The following ARHGAP15 variants were observed in gnomAD, a reference collection of about 807,000 sequenced individuals.
ARHGAP15 encodes the protein rho GTPase-activating protein 15.
Under a neutral mutation model 63.7 loss-of-function variants are expected in ARHGAP15, and 51 were observed. The ratio of observed to expected loss-of-function variants is 0.80; its 90% CI spans 0.64 to 1.01. ARHGAP15 has a LOEUF of 1.01. Ranked by LOEUF, ARHGAP15 falls within the 50% of genes least tolerant of loss-of-function variation. The pLI is 0.00. For synonymous variants in ARHGAP15, 191 were observed against 193.8 expected (o/e 0.99, Z 0.12); for missense variants, 560 against 564.6 (o/e 0.99, Z 0.08).
chr2:143,443,350 T>C (rs1198707232), intron 8 of ARHGAP15, among the ~76,000 whole-genome samples: 1 of 151,924 alleles, frequency 6.6e-6, no homozygotes, highest in Non-Finnish European at 1.5e-5. Flanking sequence ...AAAAAAGTCG[T>C]GACATTTTTG....
At chr2:143,193,986 C>A (rs992796827) in intron 2 of ARHGAP15, among the ~76,000 whole-genome samples, 4 of 152,196 alleles carry the variant, frequency 2.6e-5, no homozygotes, top group Non-Finnish European at 4.4e-5. Flanking sequence ...TTATTTGAGA[C>A]TGAAAATAAA....
At position 143,568,039 on chromosome 2, in the gene ARHGAP15, A is replaced by G. The variant is rs144716225; in HGVS notation, c.1003+11554A>G. On this transcript the variant is annotated intron_variant, in intron 11 of 13. Coordinates refer to ENST00000295095, the MANE Select transcript of ARHGAP15 (RefSeq NM_018460.4). ...TTAATTCAAGATAGATTAAAGACTT[A>G]CATGTTAGACTTAAAACCATAAAAA... 4.7e-4 allele frequency among the ~76,000 whole-genome samples: 72 copies of G among 152,364 alleles called. 1 individual carries two copies. Among genetic ancestry groups the G allele is most frequent in the Admixed American group, 3.3e-4 (5 of 15,310 alleles).
intron 6 of ARHGAP15, among the ~76,000 whole-genome samples, chr2:143,332,985 A>T (rs1217835772): frequency 2.0e-5 from 3 of 152,112 alleles, no homozygotes; most frequent in African/African-American, 7.2e-5. Flanking sequence ...AAAAAAAAAA[A>T]AAAAGCTACC....
intron 11 of ARHGAP15, among the ~76,000 whole-genome samples, chr2:143,593,690 C>CCA: frequency 6.6e-6 from 1 of 152,192 alleles, no homozygotes; most frequent in East Asian, 1.9e-4. Flanking sequence ...GAATTCCCAG[C>CCA]CATAGCACAT....
chr2:143,394,134 G>A (rs1326459713), intron 6 of ARHGAP15, among the ~76,000 whole-genome samples: 1 of 152,080 alleles, frequency 6.6e-6, no homozygotes, highest in African/African-American at 2.4e-5. Flanking sequence ...ACTTAATTAG[G>A]GCTTTTCAAA....
chr2:143,334,256 T>C (rs1237994103), intron 6 of ARHGAP15, among the ~76,000 whole-genome samples: 2 of 152,218 alleles, frequency 1.3e-5, no homozygotes, highest in Non-Finnish European at 2.9e-5. Flanking sequence ...GTACTTTTTT[T>C]TGTTTGGTTC....
At chr2:143,758,448 C>T (rs1359403610) in intron 13 of ARHGAP15, among the ~76,000 whole-genome samples, 1 of 150,720 alleles carries the variant, frequency 6.6e-6, no homozygotes, top group Non-Finnish European at 1.5e-5. Flanking sequence ...TTTTTTTTCC[C>T]AAAAGACCAT....
At chr2:143,423,277 TC>T (rs1181343693) in intron 6 of ARHGAP15, among the ~76,000 whole-genome samples, 1 of 152,128 alleles carries the variant, frequency 6.6e-6, no homozygotes, top group Non-Finnish European at 1.5e-5. Flanking sequence ...GTGGAATAGC[TC>T]ACTAATACAG....
chr2:143,569,024 G>T (rs1396276894), intron 11 of ARHGAP15, among the ~76,000 whole-genome samples: 1 of 152,180 alleles, frequency 6.6e-6, no homozygotes, highest in African/African-American at 2.4e-5. Context: ...AGGATGGGGG[G>T]CAGGGGGAGG....
At chr2:143,477,208 TCG>T (rs1041835774) in intron 8 of ARHGAP15, among the ~76,000 whole-genome samples, 3 of 146,074 alleles carry the variant, frequency 2.1e-5, no homozygotes, top group East Asian at 4.0e-4. Flanking sequence ...ACACACACAC[TCG>T]CGCACACACA....
At chr2:143,591,537 C>T (rs1697317133) in intron 11 of ARHGAP15, among the ~76,000 whole-genome samples, 1 of 151,360 alleles carries the variant, frequency 6.6e-6, no homozygotes, top group South Asian at 2.1e-4. Context: ...ATATGAAACC[C>T]AAGTGAAATA....
intron 12 of ARHGAP15, among the ~76,000 whole-genome samples, chr2:143,662,586 A>G (rs1681884283): frequency 8.2e-6 from 1 of 121,388 alleles, no homozygotes; most frequent in African/African-American, 2.6e-5. Flanking sequence ...ACGAGCCGAG[A>G]GAAGAAGGCT....
At chr2:143,555,885 T>C (rs753322901) in intron 10 of ARHGAP15, among the ~76,000 whole-genome samples, 1 of 67,650 alleles carries the variant, frequency 1.5e-5, no homozygotes, top group Admixed American at 1.3e-4. Flanking sequence ...TAGAATAGAA[T>C]AGAATAGAAT....
At chr2:143,746,239 C>T (rs1221268866) in intron 13 of ARHGAP15, among the ~76,000 whole-genome samples, 1 of 152,040 alleles carries the variant, frequency 6.6e-6, no homozygotes, top group Non-Finnish European at 1.5e-5. Flanking sequence ...CTCATAAAAC[C>T]TTTGAAAATG....
intron 8 of ARHGAP15, among the ~76,000 whole-genome samples, chr2:143,441,444 G>A (rs1689878203): frequency 6.6e-6 from 1 of 152,114 alleles, no homozygotes; most frequent in Admixed American, 6.5e-5. Flanking sequence ...TTGATGGGAA[G>A]GATTCAGCAT....
chr2:143,214,217 T>G (rs1391923520), intron 3 of ARHGAP15, among the ~76,000 whole-genome samples: 1 of 152,216 alleles, frequency 6.6e-6, no homozygotes, highest in East Asian at 1.9e-4. Context: ...TGATAGGTTT[T>G]TGTAGTTTTT....
At position 143,328,626 on chromosome 2, in the gene ARHGAP15, C is replaced by G. The variant is rs140654662; in HGVS notation, c.474+78026C>G. Among the ~76,000 whole-genome samples the G allele has an allele frequency of 3.1e-4, 47 of 152,204 alleles. No homozygotes were observed. The East Asian group carries it at 7.3e-3, about 24-fold the overall frequency. On this transcript the variant is annotated intron_variant, in intron 6 of 13. Coordinates refer to ENST00000295095, the MANE Select transcript of ARHGAP15 (RefSeq NM_018460.4). Reference sequence around the variant, plus strand: ...GGAGGGATAGCATTAGGAGAAATACCTAATGTATGTGACGAGTTGATGGGT... The same window carrying G: ...GGAGGGATAGCATTAGGAGAAATACGTAATGTATGTGACGAGTTGATGGGT...
At chr2:143,578,816 T>A (rs1696777790) in intron 11 of ARHGAP15, among the ~76,000 whole-genome samples, 1 of 152,166 alleles carries the variant, frequency 6.6e-6, no homozygotes, top group African/African-American at 2.4e-5. Context: ...TCAGAACTCT[T>A]CTGTTTGAAT....
intron 9 of ARHGAP15, among the ~76,000 whole-genome samples, chr2:143,504,229 G>T (rs1235472704): frequency 6.6e-6 from 1 of 152,050 alleles, no homozygotes; most frequent in Non-Finnish European, 1.5e-5. Context: ...TACTTTATAG[G>T]CAATTTTGTT....
Sources: gnomAD v4.1 joint callset for allele counts (sites outside exome capture counted in the v4.1 genomes callset) on GRCh38, gnomAD v4.1.1 for gene constraint, MANE v1.5 for transcripts, NCBI Gene and HGNC (gene_info 2026-07-23, HGNC 2026-07-21) for gene names.